The following SNRPN variants were observed in gnomAD, a reference collection of about 807,000 sequenced individuals.
SNRPN encodes the protein small nuclear ribonucleoprotein polypeptide N.
In SNRPN, 7 loss-of-function variants were observed where a neutral mutation model predicts 25.2. That is an observed-to-expected ratio of 0.28 (90% CI 0.16 to 0.52). SNRPN has a LOEUF of 0.52. Among genes scored for constraint, SNRPN ranks in the 20% least tolerant of loss-of-function variants. The pLI is 0.96. For missense variants in SNRPN, 196 were observed against 322.5 expected, an observed-to-expected ratio of 0.61 and a Z score of 3.00; for synonymous variants, 124 against 110.6, an observed-to-expected ratio of 1.12 and a Z score of -0.76.
At chr15:24,845,583 AG>A (rs2052120642) in intron 2 of SNRPN, among the ~76,000 whole-genome samples, 1 of 152,140 alleles carries the variant, frequency 6.6e-6, no homozygotes, top group Admixed American at 6.6e-5. Flanking sequence ...GGGCGACAAG[AG>A]CAAAACTCCG....
At chr15:24,948,591 T>C (rs1405529403) in intron 3 of SNRPN, among the ~76,000 whole-genome samples, 3 of 152,116 alleles carry the variant, frequency 2.0e-5, no homozygotes, top group Admixed American at 2.0e-4. Flanking sequence ...ATACCCTTTT[T>C]CTGTTCCAGG....
intron 3 of SNRPN, among the ~76,000 whole-genome samples, chr15:24,927,696 T>C (rs1333401795): frequency 1.3e-5 from 2 of 151,880 alleles, no homozygotes; most frequent in Non-Finnish European, 2.9e-5. Context: ...GCCCCAATAA[T>C]GTTTTTTATA....
Position 24,922,890 on chromosome 15 carries a change from CTTTTTTTTTTTT to C in SNRPN, c.-391+2781_-391+2792del, listed in dbSNP as rs71412618. On this transcript the variant is annotated intron_variant, in intron 3 of 11. Coordinates refer to the SNRPN transcript ENST00000400097. The stretch of plus-strand genomic sequence containing the variant: ...ATATCTATGCCACAGTAGGCAGATC[CTTTTTTTTTTTT>C]TTTTTTTTTTTTTTGGGAAGACAGA... Among the ~76,000 whole-genome samples, 5 of 68,180 alleles carry C rather than the reference CTTTTTTTTTTTT, an allele frequency of 7.3e-5. No homozygotes were observed. The East Asian group carries it at 2.1e-3, about 29-fold the overall frequency. 44.7% of individuals were successfully genotyped at this position (68,180 alleles called of 152,430 possible).
At chr15:24,916,784 T>C (rs1226444752) in intron 2 of SNRPN, among the ~76,000 whole-genome samples, 1 of 152,182 alleles carries the variant, frequency 6.6e-6, no homozygotes, top group Non-Finnish European at 1.5e-5. Flanking sequence ...GTTTGTGGTC[T>C]CACTGACTTC....
intron 5 of SNRPN, 27 bp downstream of exon 5, chr15:24,975,536 T>A: frequency 6.2e-7 from 1 of 1,603,890 alleles, no homozygotes; most frequent in East Asian, 2.2e-5. Flanking sequence ...CAAATGGGGG[T>A]TGGACACAGA....
intron 3 of SNRPN, among the ~76,000 whole-genome samples, chr15:24,923,486 C>T (rs531337131): frequency 1.3e-5 from 2 of 152,022 alleles, no homozygotes; most frequent in Non-Finnish European, 2.9e-5. Context: ...GAGTAGGCCA[C>T]GGAAAAGTAC....
At chr15:24,959,261 G>T (rs1444352881) in intron 1 of SNRPN, among the ~76,000 whole-genome samples, 2 of 152,128 alleles carry the variant, frequency 1.3e-5, no homozygotes, top group Non-Finnish European at 2.9e-5. Flanking sequence ...GCATGTGTGT[G>T]TGTATCTAGA....
chr15:24,940,870 G>C (rs1298894366), intron 3 of SNRPN, among the ~76,000 whole-genome samples: 1 of 152,178 alleles, frequency 6.6e-6, no homozygotes, highest in African/African-American at 2.4e-5. Context: ...CTGCAGACTA[G>C]GCTGGCAGTC....
At chr15:24,969,611 T>C (rs555031683) in intron 3 of SNRPN, among the ~76,000 whole-genome samples, 1 of 151,012 alleles carries the variant, frequency 6.6e-6, no homozygotes, top group Non-Finnish European at 1.5e-5. Context: ...TTTTTTACTT[T>C]TTAGGAATTT....
intron 5 of SNRPN, 66 bp from the exon 6 acceptor site, chr15:24,976,239 A>G (rs983377647): frequency 4.2e-5 from 51 of 1,208,894 alleles, no homozygotes; most frequent in Non-Finnish European, 5.5e-5. Context: ...TTGAGGTTGT[A>G]TAAATATTTT....
chr15:24,825,145 G>A (rs2049989090), intron 1 of SNRPN, among the ~76,000 whole-genome samples: 1 of 151,962 alleles, frequency 6.6e-6, no homozygotes, highest in Non-Finnish European at 1.5e-5. Context: ...TTGTTTGCCA[G>A]GCAATGCTGC....
intron 1 of SNRPN, among the ~76,000 whole-genome samples, chr15:24,883,612 C>T (rs778683442): frequency 4.6e-5 from 7 of 152,154 alleles, no homozygotes; most frequent in Non-Finnish European, 7.4e-5. Flanking sequence ...CAGATAAAGC[C>T]TTGAAAAATA....
upstream of SNRPN, among the ~76,000 whole-genome samples, chr15:24,953,844 C>T (rs540051539): frequency 6.6e-6 from 1 of 152,110 alleles, no homozygotes; most frequent in South Asian, 2.1e-4. Flanking sequence ...TATCTGTTCT[C>T]TGTGAGGAAC....
At chr15:24,838,615 C>T (rs1405093000) in intron 2 of SNRPN, among the ~76,000 whole-genome samples, 3 of 152,040 alleles carry the variant, frequency 2.0e-5, no homozygotes, top group Non-Finnish European at 4.4e-5. Flanking sequence ...TTGGATTGAG[C>T]TGGTGTAGCC....
intron 3 of SNRPN, among the ~76,000 whole-genome samples, chr15:24,948,493 T>C (rs1364010192): frequency 6.6e-6 from 1 of 152,122 alleles, no homozygotes; most frequent in Non-Finnish European, 1.5e-5. Flanking sequence ...TATTAACATG[T>C]TACGCTTGTT....
Position 24,860,650 on chromosome 15 carries a change from C to T in SNRPN, c.-579+3934C>T, listed in dbSNP as rs77892955. ...GCTCAAAACACTTATATTAGCCTAACGTTTGGGAAGATCATCCACACAAAG... is the reference window on the plus strand; with the variant it reads ...GCTCAAAACACTTATATTAGCCTAATGTTTGGGAAGATCATCCACACAAAG... On this transcript the variant is annotated intron_variant, in intron 1 of 11. Coordinates refer to the SNRPN transcript ENST00000400097. Among the ~76,000 whole-genome samples, 531 of 152,178 alleles carry T rather than the reference C, an allele frequency of 3.5e-3. 19 individuals carry two copies. In the East Asian group the frequency reaches 0.08, roughly 23 times the overall value.
At chr15:24,946,486 A>C (rs1472117030) in intron 3 of SNRPN, among the ~76,000 whole-genome samples, 1 of 152,162 alleles carries the variant, frequency 6.6e-6, no homozygotes, top group Non-Finnish European at 1.5e-5. Context: ...TTTTGAGACG[A>C]AGTCTTGGAA....
chr15:24,940,836 G>A (rs1222104878), intron 3 of SNRPN, among the ~76,000 whole-genome samples: 1 of 152,084 alleles, frequency 6.6e-6, no homozygotes, highest in Non-Finnish European at 1.5e-5. Context: ...CTTACATGAT[G>A]GTACAGTCTT....
intron 1 of SNRPN, among the ~76,000 whole-genome samples, chr15:24,862,772 A>G (rs1156312931): frequency 1.3e-5 from 2 of 150,760 alleles, no homozygotes; most frequent in Non-Finnish European, 2.9e-5. Context: ...GAGGAGGAGC[A>G]TTGGAGGAGA....
Sources: allele counts gnomAD v4.1 joint callset (sites outside exome capture counted in the v4.1 genomes callset), GRCh38; gene constraint gnomAD v4.1.1; transcripts MANE v1.5; gene names NCBI Gene and HGNC (gene_info 2026-07-23, HGNC 2026-07-21).